The following CSMD3 variants were observed in gnomAD, a reference collection of about 807,000 sequenced individuals.
CSMD3 encodes CUB and sushi domain-containing protein 3.
A neutral mutation model predicts 435.2 loss-of-function variants in CSMD3; 177 were observed. That is an observed-to-expected ratio of 0.41 (90% CI 0.36 to 0.46). The LOEUF (loss-of-function observed/expected upper bound fraction) is 0.46. CSMD3 is among the 20% of genes least tolerant of loss of function. The pLI, the probability that CSMD3 is intolerant of heterozygous loss-of-function variation, is 0.34. For synonymous variants in CSMD3, 1,656 were observed against 1,520.5 expected, an observed-to-expected ratio of 1.09 and a Z score of -2.07; for missense variants, 4,265 against 4,504.6, an observed-to-expected ratio of 0.95 and a Z score of 1.52.
intron 13 of CSMD3, among the ~76,000 whole-genome samples, chr8:112,740,710 A>C (rs1482309013): frequency 6.6e-6 from 1 of 151,916 alleles, no homozygotes; most frequent in African/African-American, 2.4e-5. Flanking sequence ...AGTGCTTGAC[A>C]GACATGGTGA....
intron 59 of CSMD3, among the ~76,000 whole-genome samples, chr8:112,275,830 A>T (rs1270312053): frequency 6.6e-6 from 1 of 152,182 alleles, no homozygotes; most frequent in Non-Finnish European, 1.5e-5. Context: ...ACAATTAAAG[A>T]TGAGATTTGG....
At chr8:113,273,133 ATAAT>A (rs1249382197) in intron 3 of CSMD3, among the ~76,000 whole-genome samples, 2 of 151,986 alleles carry the variant, frequency 1.3e-5, no homozygotes, top group East Asian at 3.8e-4. Context: ...ATAAATATGT[ATAAT>A]TATTATAAAA....
At chr8:112,783,389 C>CGAAG (rs1202649906) in intron 13 of CSMD3, among the ~76,000 whole-genome samples, 42 of 128,026 alleles carry the variant, frequency 3.3e-4, no homozygotes, top group Non-Finnish European at 4.9e-4. Flanking sequence ...AGCACATAAA[C>CGAAG]GAAGGAAGGA....
intron 9 of CSMD3, among the ~76,000 whole-genome samples, chr8:112,946,370 A>G (rs1037698471): frequency 5.9e-5 from 9 of 151,728 alleles, no homozygotes; most frequent in Non-Finnish European, 1.0e-4. Context: ...TATTTCAGGG[A>G]TATAATCTGA....
Position 112,321,072 on chromosome 8 carries a change from C to T in CSMD3, c.7166-1091G>A, listed in dbSNP as rs563627300. ...ACAAAATCATTTGCTTGATTGAAGT[C>T]TTTTTTTTTCCCTTAAAGTCTTCTA... On this transcript the variant is annotated intron_variant, in intron 45 of 70. Coordinates refer to ENST00000297405, the MANE Select transcript of CSMD3 (RefSeq NM_198123.2). Among the ~76,000 whole-genome samples the T allele has an allele frequency of 4.6e-5, 7 of 151,152 alleles. No homozygotes were observed. In the East Asian group the frequency reaches 1.4e-3, roughly 29 times the overall value.
At chr8:112,965,393 TATAG>T (rs1441484534) in intron 7 of CSMD3, among the ~76,000 whole-genome samples, 1 of 151,914 alleles carries the variant, frequency 6.6e-6, no homozygotes, top group Non-Finnish European at 1.5e-5. Context: ...AAAAATGAGA[TATAG>T]TGTGTTAATA....
chr8:112,927,564 T>C (rs967063556), intron 9 of CSMD3, among the ~76,000 whole-genome samples: 1 of 152,158 alleles, frequency 6.6e-6, no homozygotes, highest in African/African-American at 2.4e-5. Context: ...AAAAATTAAA[T>C]GTTAATAAAC....
intron 13 of CSMD3, among the ~76,000 whole-genome samples, chr8:112,763,439 A>G (rs950907112): frequency 2.6e-5 from 4 of 151,012 alleles, no homozygotes; most frequent in Non-Finnish European, 5.9e-5. Context: ...ATCCTAATAT[A>G]TTTACTAGTA....
chr8:112,772,113 A>T (rs1460372641), intron 13 of CSMD3, among the ~76,000 whole-genome samples: 1 of 151,834 alleles, frequency 6.6e-6, no homozygotes, highest in Non-Finnish European at 1.5e-5. Context: ...AAGATAAATT[A>T]TAAGGGGCTC....
chr8:113,230,847 ATAC>A (rs1478219110), intron 3 of CSMD3, among the ~76,000 whole-genome samples: 1 of 151,532 alleles, frequency 6.6e-6, no homozygotes, highest in Non-Finnish European at 1.5e-5. Flanking sequence ...TCATGTAATA[ATAC>A]TTTTTTATAT....
At chr8:112,445,610 G>C (rs892164125) in intron 32 of CSMD3, among the ~76,000 whole-genome samples, 1 of 152,144 alleles carries the variant, frequency 6.6e-6, no homozygotes, top group African/African-American at 2.4e-5. Context: ...TAAGGGATCT[G>C]CTTCCATGAC....
intron 5 of CSMD3, among the ~76,000 whole-genome samples, chr8:113,045,577 TAAAC>T (rs1406368760): frequency 6.7e-6 from 1 of 149,438 alleles, no homozygotes; most frequent in Non-Finnish European, 1.5e-5. Context: ...AAGCAAGTAA[TAAAC>T]AAAGCAATTA....
chr8:112,602,235 A>T (rs1001085377), intron 22 of CSMD3, among the ~76,000 whole-genome samples: 2 of 152,230 alleles, frequency 1.3e-5, no homozygotes, highest in Admixed American at 6.5e-5. Flanking sequence ...AGAAAAGTTT[A>T]TAACATAATC....
rs190147812 is a variant in CSMD3, at chr8:113,191,180, G to T, written c.515-17264C>A. On this transcript the variant is annotated intron_variant, in intron 3 of 70. Coordinates refer to ENST00000297405, the MANE Select transcript of CSMD3 (RefSeq NM_198123.2). ...GATGTTTAAGAGATAAATAATGCAC[G>T]TGGGCATACATGTTCATACCATTCT... Among the ~76,000 whole-genome samples, 21 of 151,868 alleles carry T rather than the reference G, an allele frequency of 1.4e-4. No homozygotes were observed. The East Asian group carries it at 3.7e-3, about 27-fold the overall frequency.
chr8:112,656,392 T>A, intron 17 of CSMD3, 51 bp from the exon 18 acceptor site: 1 of 1,387,986 alleles, frequency 7.2e-7, no homozygotes, highest in Non-Finnish European at 1.0e-6. Flanking sequence ...ACACTATATA[T>A]GGAAATAATG....
intron 10 of CSMD3, among the ~76,000 whole-genome samples, chr8:112,898,083 T>C (rs2082003030): frequency 6.6e-6 from 1 of 151,234 alleles, no homozygotes; most frequent in Admixed American, 6.6e-5. Flanking sequence ...ATTTCCTTAC[T>C]GCTGTGCCCA....
At chr8:113,236,128 G>A (rs570057413) in intron 3 of CSMD3, among the ~76,000 whole-genome samples, 10 of 151,100 alleles carry the variant, frequency 6.6e-5, no homozygotes, top group Non-Finnish European at 1.2e-4. Context: ...CACACCACTA[G>A]GTGGAGATTT....
intron 1 of CSMD3, among the ~76,000 whole-genome samples, chr8:113,343,633 G>A (rs2094134136): frequency 2.0e-5 from 3 of 152,070 alleles, no homozygotes; most frequent in Admixed American, 6.6e-5. Flanking sequence ...AGAATGATAA[G>A]CAACAAGCGA....
In CSMD3 at chr8:112,252,679, G is replaced by GTATA. The variant is rs10542301; in HGVS notation, c.10110+1570_10110+1573dup. Among the ~76,000 whole-genome samples the GTATA allele has an allele frequency of 8.0e-3, 1,131 of 141,384 alleles. 18 individuals are homozygous for GTATA. The highest frequency in any genetic ancestry group is 0.032 in the South Asian group (141 of 4,430). 92.8% of individuals were successfully genotyped at this position (141,384 alleles called of 152,430 possible). On this transcript the variant is annotated intron_variant, in intron 63 of 70. Coordinates refer to ENST00000297405, the MANE Select transcript of CSMD3 (RefSeq NM_198123.2). Reference sequence around the variant, plus strand: ...GTTAACAGATTTAGTATGTGTGTGTGTATATATATATATATATATATATAT... The same window carrying GTATA: ...GTTAACAGATTTAGTATGTGTGTGTGTATATATATATATATATATATATATATAT...
Sources: allele counts gnomAD v4.1 joint callset (sites outside exome capture counted in the v4.1 genomes callset), GRCh38; gene constraint gnomAD v4.1.1; transcripts MANE v1.5; gene names NCBI Gene and HGNC (gene_info 2026-07-23, HGNC 2026-07-21).